The following MT1X variants were observed in gnomAD, a reference collection of about 807,000 sequenced individuals.
The protein encoded by MT1X is metallothionein-1X.
In MT1X, 7 loss-of-function variants were observed where a neutral mutation model predicts 8.6. The observed-to-expected ratio is 0.81, with a 90% confidence interval of 0.46 to 1.52. MT1X has a LOEUF of 1.52. MT1X is among the 40% of genes most tolerant of loss of function. The probability of loss-of-function intolerance (pLI) is 0.01; values close to 1 mark genes in which losing one functional copy is unlikely to be tolerated. For synonymous variants in MT1X, 25 were observed against 27.6 expected (o/e 0.91, Z 0.30); for missense variants, 72 against 74.3 (o/e 0.97, Z 0.11).
At chr16:56,683,682 G>A in intron 2 of MT1X, 1 of 473,000 alleles carries the variant, frequency 2.1e-6, no homozygotes, top group Non-Finnish European at 3.7e-6. Flanking sequence ...CCTCATTTAA[G>A]GGTAGGTTTT....
At chr16:56,683,914 T>A in intron 2 of MT1X, 44 bp from the exon 3 acceptor site, 1 of 1,612,430 alleles carries the variant, frequency 6.2e-7, no homozygotes, top group Non-Finnish European at 8.5e-7. Flanking sequence ...GGGAGGTGCC[T>A]GATTGAGTCT....
chr16:56,683,130 A>G (rs1961021649), intron 1 of MT1X, 35 bp from the exon 2 acceptor site: 2 of 1,612,292 alleles, frequency 1.2e-6, no homozygotes, highest in East Asian at 4.5e-5. Flanking sequence ...TCTGCATCTC[A>G]CTCCACGCTC....
intron 2 of MT1X, 118 bp downstream of exon 2, chr16:56,683,348 C>T (rs1285077176): frequency 4.2e-6 from 5 of 1,186,426 alleles, no homozygotes; most frequent in Admixed American, 4.1e-5. Flanking sequence ...TCCTTCAACA[C>T]CTGATTCAGA....
intron 2 of MT1X, 38 bp downstream of exon 2, chr16:56,683,268 G>A (rs1159237743): frequency 6.2e-7 from 1 of 1,612,136 alleles, no homozygotes; most frequent in South Asian, 1.1e-5. Context: ...TGGGGGATGG[G>A]CCAAGTTAGA....
At position 56,682,963 on chromosome 16, in the gene MT1X, G is replaced by T. The variant is rs568515834; in HGVS notation, c.29-202G>T. ...GTGTCTGGAGCCTGGGACCTTGCTT[G>T]TGGGGTAAAAGCAACAGAACACTTG... On this transcript the variant is annotated intron_variant, in intron 1 of 2. Coordinates refer to ENST00000394485, the MANE Select transcript of MT1X (RefSeq NM_005952.4). The T allele has an allele frequency of 8.9e-5, 58 of 652,482 alleles. No individual in the cohort carries two copies. The African/African-American group carries it at 9.9e-4, about 11-fold the overall frequency. 40.4% of individuals were successfully genotyped at this position (652,482 alleles called of 1,614,324 possible).
intron 1 of MT1X, 113 bp from the exon 2 acceptor site, chr16:56,683,052 G>A (rs2144368448): frequency 7.8e-7 from 1 of 1,280,738 alleles, no homozygotes; most frequent in East Asian, 2.3e-5. Context: ...TGGGAAAGGA[G>A]CTCTGGGGGC....
In MT1X at chr16:56,683,074, C is replaced by T. The variant is rs1961020933; in HGVS notation, c.29-91C>T. ...GGAGCTCTGGGGGCTGGTCCTTCAG[C>T]ACAGAGGAGGGGTCACTGAAGCGTT... On this transcript the variant is annotated intron_variant, in intron 1 of 2. Transcript: ENST00000394485. The T allele has an allele frequency of 3.4e-6, 5 of 1,483,714 alleles. No individual in the cohort carries two copies. In the Admixed American group the frequency reaches 8.5e-5, roughly 25 times the overall value. The allele number at this position is 1,483,714 out of a possible 1,614,324, so 91.9% of individuals were successfully genotyped here.
Position 56,684,018 on chromosome 16 carries a change from G to C in MT1X, c.155G>C (p.Gly52Ala). The change falls in exon 3 of 3, where the codon GGG (glycine) becomes GCG (alanine). Residue 52 changes from glycine to alanine, a missense_variant. Coordinates refer to ENST00000394485, the MANE Select transcript of MT1X (RefSeq NM_005952.4). ...AKCAQGCICK[G>A]TSDKCSCCA is the part of the protein sequence containing the mutation. ...TGTGCCCAGGGCTGCATCTGCAAAG[G>C]GACGTCAGACAAGTGCAGCTGCTGT... 1 of 1,614,154 alleles carries C rather than the reference G, an allele frequency of 6.2e-7. No individual in the cohort carries two copies. The highest frequency in any genetic ancestry group is 8.5e-7 in the Non-Finnish European group (1 of 1,180,016).
intron 1 of MT1X, chr16:56,682,922 T>C: frequency 1.7e-6 from 1 of 604,026 alleles, no homozygotes; most frequent in Non-Finnish European, 2.9e-6. Flanking sequence ...GCCTCCTGTC[T>C]TAGCCTTCCT....
At position 56,684,122 on chromosome 16, in the gene MT1X, T is replaced by G; in HGVS notation, c.*73T>G. 1.5e-6 allele frequency: 2 copies of G among 1,351,580 alleles called. No individual in the cohort carries two copies. Among genetic ancestry groups the G allele is most frequent in the Non-Finnish European group, 2.0e-6 (2 of 983,300 alleles). The allele number at this position is 1,351,580 out of a possible 1,614,324, so 83.7% of individuals were successfully genotyped here. ...ACCTGGATTTTTTTTTTTTTTTTTT[T>G]TGTACAACCCTGACCCGTTTGCTAC... is the stretch of plus-strand genomic sequence containing the variant. On this transcript the variant is annotated 3_prime_UTR_variant, in exon 3 of 3. Coordinates refer to ENST00000394485, the MANE Select transcript of MT1X (RefSeq NM_005952.4).
intron 2 of MT1X, chr16:56,683,561 T>C (rs1166521318): frequency 4.1e-5 from 16 of 393,480 alleles, no homozygotes; most frequent in Non-Finnish European, 7.4e-5. Flanking sequence ...CCCCGGGTGA[T>C]TTCAAACCTA....
Position 56,684,104 on chromosome 16 carries a change from T to G in MT1X, c.*55T>G, listed in dbSNP as rs1253707666. 2.1e-4 allele frequency: 9 copies of G among 43,022 alleles called. No individual in the cohort carries two copies. The highest frequency in any genetic ancestry group is 3.8e-4 in the Non-Finnish European group (9 of 23,982). The allele number at this position is 43,022 out of a possible 1,614,324, so 2.7% of individuals were successfully genotyped here. On this transcript the variant is annotated 3_prime_UTR_variant, in exon 3 of 3. Transcript: ENST00000394485. ...ATAGAGCAACCTATATAAACCTGGATTTTTTTTTTTTTTTTTTTTGTACAA... is the reference window on the plus strand; with the variant it reads ...ATAGAGCAACCTATATAAACCTGGAGTTTTTTTTTTTTTTTTTTTGTACAA...
intron 2 of MT1X, 189 bp from the exon 3 acceptor site, chr16:56,683,769 G>A: frequency 3.8e-6 from 3 of 797,606 alleles, no homozygotes; most frequent in Admixed American, 2.5e-5. Context: ...AGACTCAGGT[G>A]GGGCTGGGCA....
At chr16:56,683,477 G>C in intron 2 of MT1X, 1 of 491,882 alleles carries the variant, frequency 2.0e-6, no homozygotes, top group Admixed American at 3.4e-5. Flanking sequence ...TGTGAACCTA[G>C]GTCTCCTGCC....
chr16:56,684,170 T>A lies in MT1X; in HGVS notation c.*121T>A. ...TACATCTTTTTTTCTATGAAATATG[T>A]GAATGGCAATAAATTCATCTAGACT... is the stretch of plus-strand genomic sequence containing the variant. On this transcript the variant is annotated 3_prime_UTR_variant, in exon 3 of 3. Transcript: ENST00000394485. The A allele has an allele frequency of 8.2e-7, 1 of 1,218,278 alleles. No homozygotes were observed. The highest frequency in any genetic ancestry group is 1.1e-6 in the Non-Finnish European group (1 of 886,008). 75.5% of individuals were successfully genotyped at this position (1,218,278 alleles called of 1,614,324 possible).
chr16:56,683,704 C>G (rs1961029416), intron 2 of MT1X: 3 of 517,886 alleles, frequency 5.8e-6, no homozygotes, highest in African/African-American at 1.9e-5. Flanking sequence ...GGGAACTGGC[C>G]TCCTTTTGTT....
In MT1X at chr16:56,683,146, C is replaced by T; in HGVS notation, c.29-19C>T. The stretch of plus-strand genomic sequence containing the variant: ...CTGCATCTCACTCCACGCTCACTGC[C>T]TTTTTCTCTTCCTTGCAGTTGGCTC... On this transcript the variant is annotated intron_variant, in intron 1 of 2. Coordinates refer to ENST00000394485, the MANE Select transcript of MT1X (RefSeq NM_005952.4). 1 of 1,613,762 alleles carries T rather than the reference C, an allele frequency of 6.2e-7. No individual in the cohort carries two copies.
At chr16:56,683,007 G>C (rs1961019721) in intron 1 of MT1X, 158 bp from the exon 2 acceptor site, 1 of 840,426 alleles carries the variant, frequency 1.2e-6, no homozygotes, top group South Asian at 1.7e-5. Flanking sequence ...AAAATGAAGG[G>C]AGAGGAGATG....
chr16:56,683,100 A>T lies in MT1X; in HGVS notation c.29-65A>T. On this transcript the variant is annotated intron_variant, in intron 1 of 2. Transcript: ENST00000394485. ...ACAGAGGAGGGGTCACTGAAGCGTT[A>T]TTGACCAGCTGCTGTACCTTCTGCA... 5.6e-6 allele frequency: 9 copies of T among 1,593,156 alleles called. No homozygotes were observed. The South Asian group carries it at 8.8e-5, about 16-fold the overall frequency.
Sources: allele counts gnomAD v4.1 joint callset, GRCh38; gene constraint gnomAD v4.1.1; transcripts MANE v1.5; gene names NCBI Gene and HGNC (gene_info 2026-07-23, HGNC 2026-07-21).